The following RASGRF2 variants were observed in gnomAD, a reference collection of about 807,000 sequenced individuals.
RASGRF2 encodes the protein ras-specific guanine nucleotide-releasing factor 2.
A neutral mutation model predicts 151.0 loss-of-function variants in RASGRF2; 76 were observed. That is an observed-to-expected ratio of 0.50 (90% CI 0.42 to 0.61). RASGRF2 has a LOEUF of 0.61. RASGRF2 is among the 20% of genes least tolerant of loss of function. The pLI is 0.00. For synonymous variants in RASGRF2, 504 were observed against 566.5 expected, an observed-to-expected ratio of 0.89 and a Z score of 1.57; for missense variants, 1,148 against 1,564.6, an observed-to-expected ratio of 0.73 and a Z score of 4.49.
chr5:81,038,149 G>GT (rs1750563268), intron 1 of RASGRF2, among the ~76,000 whole-genome samples: 1 of 152,078 alleles, frequency 6.6e-6, no homozygotes, highest in African/African-American at 2.4e-5. Flanking sequence ...ATTGATTCCA[G>GT]TTTTTTTGTA....
Position 81,137,734 on chromosome 5 carries a change from C to T in RASGRF2, c.2686+10571C>T, listed in dbSNP as rs115885074. Among the ~76,000 whole-genome samples the T allele has an allele frequency of 5.3e-3, 806 of 152,300 alleles. 10 individuals are homozygous for T. Among genetic ancestry groups the T allele is most frequent in the African/African-American group, 0.016 (669 of 41,566 alleles). ...AGAGAGAGTCTCAGAAGAAACAACG[C>T]GCTGACTCTGAGATCTGGACTTCTA... On this transcript the variant is annotated intron_variant, in intron 17 of 26. Coordinates refer to ENST00000265080, the MANE Select transcript of RASGRF2 (RefSeq NM_006909.3).
At chr5:81,053,214 G>C (rs891876681) in intron 2 of RASGRF2, among the ~76,000 whole-genome samples, 1 of 151,380 alleles carries the variant, frequency 6.6e-6, no homozygotes, top group African/African-American at 2.4e-5. Context: ...CCATGTTGGT[G>C]TGCTGCACCC....
At chr5:81,159,552 C>G (rs1754335497) in intron 17 of RASGRF2, among the ~76,000 whole-genome samples, 1 of 152,126 alleles carries the variant, frequency 6.6e-6, no homozygotes, top group Non-Finnish European at 1.5e-5. Flanking sequence ...TAGTGATTGC[C>G]TGGCTTGGGG....
intron 17 of RASGRF2, among the ~76,000 whole-genome samples, chr5:81,171,394 T>G (rs1490846793): frequency 6.6e-6 from 1 of 152,148 alleles, no homozygotes; most frequent in African/African-American, 2.4e-5. Flanking sequence ...CAGGCTGGAG[T>G]GCGACATCTT....
chr5:81,085,706 A>G, intron 7 of RASGRF2, 96 bp from the exon 8 acceptor site: 2 of 1,545,822 alleles, frequency 1.3e-6, no homozygotes, highest in Non-Finnish European at 1.7e-6. Context: ...GTGGGAGAGT[A>G]GAGACAAGCT....
chr5:81,198,462 C>A (rs542899423), intron 18 of RASGRF2, among the ~76,000 whole-genome samples: 2 of 149,902 alleles, frequency 1.3e-5, no homozygotes, highest in African/African-American at 4.9e-5. Flanking sequence ...TTTTTTGAGA[C>A]GGAGTCTCGC....
rs551034177 is a variant in RASGRF2 at position 81,009,518 on chromosome 5, A to T, written c.289-33359A>T. 2.6e-3 allele frequency among the ~76,000 whole-genome samples: 399 copies of T among 152,334 alleles called. 1 individual carries two copies. Among genetic ancestry groups the T allele is most frequent in the Non-Finnish European group, 5.0e-3 (338 of 68,034 alleles). ...AAACATGAGGAGCAAATATCCCTAA[A>T]GCAAGTCTAAAAACAAACTTCCATA... On this transcript the variant is annotated intron_variant, in intron 1 of 26. Coordinates refer to ENST00000265080, the MANE Select transcript of RASGRF2 (RefSeq NM_006909.3).
chr5:80,971,868 A>AC (rs1375889218), intron 1 of RASGRF2, among the ~76,000 whole-genome samples: 1 of 149,230 alleles, frequency 6.7e-6, no homozygotes, highest in African/African-American at 2.5e-5. Context: ...ACCGCACTCC[A>AC]CCCCAGCTAA....
At chr5:80,973,362 T>C (rs1748002152) in intron 1 of RASGRF2, among the ~76,000 whole-genome samples, 1 of 152,204 alleles carries the variant, frequency 6.6e-6, no homozygotes, top group South Asian at 2.1e-4. Context: ...CCTCCTGTGA[T>C]CTGAGGTCTT....
intron 1 of RASGRF2, among the ~76,000 whole-genome samples, chr5:81,032,888 T>C (rs868639692): frequency 6.6e-6 from 1 of 152,120 alleles, no homozygotes; most frequent in Non-Finnish European, 1.5e-5. Flanking sequence ...GATTGTATAT[T>C]TAGAAAACCC....
chr5:80,974,924 A>G (rs1334401880), intron 1 of RASGRF2, among the ~76,000 whole-genome samples: 3 of 152,038 alleles, frequency 2.0e-5, no homozygotes, highest in African/African-American at 4.8e-5. Context: ...GTGGGGGCAC[A>G]TTCTATTAAT....
At chr5:81,215,755 T>G in intron 23 of RASGRF2, 121 bp from the exon 24 acceptor site, 4 of 1,249,426 alleles carry the variant, frequency 3.2e-6, no homozygotes, top group Non-Finnish European at 4.1e-6. Flanking sequence ...ACAATGACCT[T>G]TATTCTGGCA....
Position 81,094,918 on chromosome 5 carries a change from G to A in RASGRF2, c.1681G>A (p.Ala561Thr), listed in dbSNP as rs553413159. 23 of 1,603,368 alleles carry A rather than the reference G, an allele frequency of 1.4e-5. No homozygotes were observed. In the South Asian group the frequency reaches 1.8e-4, roughly 12 times the overall value. Residue 561 changes from alanine to threonine, a missense_variant, in exon 12 of 27, where the codon GCT becomes ACT. Ala to Thr is a moderately conservative substitution (Grantham distance 58). Around this residue, in one of 5 missense-constraint regions of RASGRF2, gnomAD observed 646 missense variants for 807.4 expected, o/e 0.80. Transcript: ENST00000265080. ...TAAAATAGTGGTGGAGCCTCCTGAC[G>A]CTGCCGCCTTCACTGTTGTCTTGTT... ...DFKIVVEPPD[A>T]AAFTVVLLAP...
intron 17 of RASGRF2, among the ~76,000 whole-genome samples, chr5:81,137,388 A>G (rs1393077006): frequency 6.6e-6 from 1 of 152,208 alleles, no homozygotes; most frequent in East Asian, 1.9e-4. Context: ...TAACTCAGTC[A>G]TAAGTTGAAC....
chr5:81,222,514 C>A (rs1011942342), intron 26 of RASGRF2, among the ~76,000 whole-genome samples: 1 of 152,210 alleles, frequency 6.6e-6, no homozygotes, highest in East Asian at 1.9e-4. Flanking sequence ...CCAATCCCCA[C>A]TCCACTCTTA....
intron 1 of RASGRF2, among the ~76,000 whole-genome samples, chr5:80,972,901 A>C (rs938099930): frequency 2.6e-5 from 4 of 152,228 alleles, no homozygotes; most frequent in South Asian, 2.1e-4. Flanking sequence ...TACATCAAAA[A>C]TGGTTAAATA....
intron 1 of RASGRF2, among the ~76,000 whole-genome samples, chr5:81,037,365 C>T (rs1302032281): frequency 6.6e-6 from 1 of 152,156 alleles, no homozygotes; most frequent in Non-Finnish European, 1.5e-5. Context: ...ATTTTTTCCT[C>T]ATGATATTAA....
intron 1 of RASGRF2, among the ~76,000 whole-genome samples, chr5:81,003,372 A>G (rs138775933): frequency 0.013 from 1,989 of 152,144 alleles, 26 homozygotes; most frequent in African/African-American, 0.034. Context: ...ACAGGTGCCC[A>G]CCACCACGCC....
At chr5:80,996,762 G>A (rs1580182197) in intron 1 of RASGRF2, among the ~76,000 whole-genome samples, 1 of 150,936 alleles carries the variant, frequency 6.6e-6, no homozygotes, top group East Asian at 2.0e-4. Context: ...ACCACACCTG[G>A]CTAATTTTTG....
Sources: gnomAD v4.1 joint callset for allele counts (sites outside exome capture counted in the v4.1 genomes callset) on GRCh38, gnomAD v4.1.1 for gene constraint, gnomAD v4.1.1 regional missense constraint, MANE v1.5 for transcripts, NCBI Gene and HGNC (gene_info 2026-07-23, HGNC 2026-07-21) for gene names.